PDGFRA: variants seen among roughly 807,000 people sequenced by gnomAD.
PDGFRA encodes the protein platelet derived growth factor receptor alpha.
In PDGFRA, 25 loss-of-function variants were observed where a neutral mutation model predicts 121.5. That is an observed-to-expected ratio of 0.21 (90% CI 0.15 to 0.29). The LOEUF is 0.29. Among genes scored for constraint, PDGFRA ranks in the 10% least tolerant of loss-of-function variants. PDGFRA has a pLI of 1.00. For missense variants in PDGFRA, 1,008 were observed against 1,345.1 expected (o/e 0.75, Z 3.92); for synonymous variants, 463 against 494.8 (o/e 0.94, Z 0.85).
intron 1 of PDGFRA, among the ~76,000 whole-genome samples, chr4:54,237,720 G>A (rs1435367658): frequency 1.3e-5 from 2 of 152,216 alleles, no homozygotes; most frequent in African/African-American, 4.8e-5. Flanking sequence ...AGCCAGCATT[G>A]TGTGAATTGC....
rs1723444614 is a variant in PDGFRA at position 54,272,308 on chromosome 4, G to A, written c.1238-86G>A. 14 of 1,436,746 alleles carry A rather than the reference G, an allele frequency of 9.7e-6. No individual in the cohort carries two copies. The Admixed American group carries it at 1.8e-4, about 19-fold the overall frequency. The allele number at this position is 1,436,746 out of a possible 1,614,324, so 89.0% of individuals were successfully genotyped here. ...GGAGTGTTTTGAATGCCATGTAGAT[G>A]AGTTGTGAACTCATATTCCACTTTG... On this transcript the variant is annotated intron_variant, in intron 8 of 22. Coordinates refer to ENST00000257290, the MANE Select transcript of PDGFRA (RefSeq NM_006206.6).
At position 54,273,664 on chromosome 4, in the gene PDGFRA, G is replaced by A. The variant is rs758137485; in HGVS notation, c.1492G>A (p.Ala498Thr). ...VTFAKVEETI[A>T]VRCLAKNLLG... ...TTTCGCCAAAGTGGAGGAGACCATCGCCGTGCGATGCCTGGCTAAGAATCT... is the reference window on the plus strand; with the variant it reads ...TTTCGCCAAAGTGGAGGAGACCATCACCGTGCGATGCCTGGCTAAGAATCT... Residue 498 changes from alanine (A) to threonine (T), a missense_variant, in exon 10 of 23, where the codon GCC becomes ACC. Coordinates refer to ENST00000257290, the MANE Select transcript of PDGFRA (RefSeq NM_006206.6). 9.3e-6 allele frequency: 15 copies of A among 1,613,922 alleles called. No homozygotes were observed. Among genetic ancestry groups the A allele is most frequent in the African/African-American group, 5.3e-5 (4 of 74,906 alleles).
rs200113704 is a variant in PDGFRA at position 54,270,644 on chromosome 4, A to T, written c.1133A>T (p.Lys378Ile). 18 of 1,604,142 alleles carry T rather than the reference A, an allele frequency of 1.1e-5. No homozygotes were observed. The highest frequency in any genetic ancestry group is 6.7e-5 in the Admixed American group (4 of 60,018). ...CCTTTTTTTAAAAGGTATCGAAGCAAATTAAAGCTGATCCGTGCTAAGGAA... is the reference window on the plus strand; with the variant it reads ...CCTTTTTTTAAAAGGTATCGAAGCATATTAAAGCTGATCCGTGCTAAGGAA... ...EKIQEIRYRS[K>I]LKLIRAKEED... Residue 378 changes from lysine to isoleucine, a missense_variant, in exon 8 of 23, where the codon AAA becomes ATA. Lys to Ile is a moderately radical substitution (Grantham distance 102). Around this residue, in one of 5 missense-constraint regions of PDGFRA, gnomAD observed 575 missense variants for 701.8 expected, o/e 0.82. Transcript: ENST00000257290.
chr4:54,253,508 G>A (rs1016627224), intron 1 of PDGFRA, among the ~76,000 whole-genome samples: 1 of 152,136 alleles, frequency 6.6e-6, no homozygotes, highest in African/African-American at 2.4e-5. Context: ...AACAGAGCAG[G>A]GGTCTCTTTC....
At chr4:54,288,611 C>T (rs1724469914) in intron 19 of PDGFRA, among the ~76,000 whole-genome samples, 188 bp from the exon 20 acceptor site, 1 of 152,004 alleles carries the variant, frequency 6.6e-6, no homozygotes, top group Admixed American at 6.6e-5. Flanking sequence ...ACCTGGAGTC[C>T]TAATTAAACT....
At chr4:54,282,628 C>T (rs1724134004) in intron 16 of PDGFRA, among the ~76,000 whole-genome samples, 1 of 152,134 alleles carries the variant, frequency 6.6e-6, no homozygotes, top group Non-Finnish European at 1.5e-5. Context: ...ATCATACTGA[C>T]CCTGGACCCT....
At chr4:54,287,235 GTATT>G (rs1724405562) in intron 18 of PDGFRA, among the ~76,000 whole-genome samples, 191 bp from the exon 19 acceptor site, 1 of 152,176 alleles carries the variant, frequency 6.6e-6, no homozygotes, top group Non-Finnish European at 1.5e-5. Flanking sequence ...CATTCATCTA[GTATT>G]TATTGAGCAC....
chr4:54,288,915 T>C lies in PDGFRA; in HGVS notation c.2774+17T>C, dbSNP rs372407259. The C allele has an allele frequency of 1.9e-6, 3 of 1,567,400 alleles. No homozygotes were observed. Among genetic ancestry groups the C allele is most frequent in the Non-Finnish European group, 2.6e-6 (3 of 1,137,360 alleles). On this transcript the variant is annotated intron_variant, in intron 20 of 22. Coordinates refer to ENST00000257290, the MANE Select transcript of PDGFRA (RefSeq NM_006206.6). ...CAGTGAAGTGTGAGCTCCTTCCCCA[T>C]CCCGGGGGCCTGTGTTCACAGTCTG...
chr4:54,243,765 T>C, intron 1 of PDGFRA: 1 of 152,690 alleles, frequency 6.5e-6, no homozygotes, highest in Non-Finnish European at 1.5e-5. Context: ...GGCAAGCCAT[T>C]GCCTCACTCG....
In PDGFRA at chr4:54,254,684, G is replaced by A. The variant is rs190698097; in HGVS notation, c.-12-4073G>A. 6.0e-3 allele frequency among the ~76,000 whole-genome samples: 913 copies of A among 152,334 alleles called. 10 individuals are homozygous for A. Among genetic ancestry groups the A allele is most frequent in the Admixed American group, 9.2e-3 (141 of 15,302 alleles). Reference sequence around the variant, plus strand: ...GGTCTCCTTTGAAGTTTGCTGAGTGGATTGTCAGTGGGAGGCTGATATTTA... The same window carrying A: ...GGTCTCCTTTGAAGTTTGCTGAGTGAATTGTCAGTGGGAGGCTGATATTTA... On this transcript the variant is annotated intron_variant, in intron 1 of 22. Transcript: ENST00000257290.
intron 15 of PDGFRA, chr4:54,278,760 A>G: frequency 1.6e-6 from 1 of 641,574 alleles, no homozygotes; most frequent in East Asian, 3.1e-5. Context: ...GTGAGTTAGA[A>G]TGACTCTGGG....
At position 54,261,166 on chromosome 4, in the gene PDGFRA, C is replaced by A; in HGVS notation, c.121C>A (p.Leu41Met). Residue 41 changes from leucine (L) to methionine (M), a missense_variant, in exon 3 of 23, where the codon CTG becomes ATG. By Grantham distance (15) the Leu-to-Met change is conservative. Coordinates refer to ENST00000257290, the MANE Select transcript of PDGFRA (RefSeq NM_006206.6). ...LPNENEKVVQ[L>M]NSSFSLRCFG... The stretch of plus-strand genomic sequence containing the variant: ...AAATGAAAATGAAAAGGTTGTGCAG[C>A]TGAATTCATCCTTTTCTCTGAGATG... The A allele has an allele frequency of 6.2e-7, 1 of 1,614,138 alleles. No individual in the cohort carries two copies.
chr4:54,246,585 A>G lies in PDGFRA; in HGVS notation c.-12-12172A>G, dbSNP rs1332883379. ...CAAAGCAGTGTGTAGAGGGAAATTTATAGCACTAAATGCCCACAAGAGAAA... is the reference window on the plus strand; with the variant it reads ...CAAAGCAGTGTGTAGAGGGAAATTTGTAGCACTAAATGCCCACAAGAGAAA... On this transcript the variant is annotated intron_variant, in intron 1 of 22. Coordinates refer to ENST00000257290, the MANE Select transcript of PDGFRA (RefSeq NM_006206.6). Among the ~76,000 whole-genome samples the G allele has an allele frequency of 2.0e-5, 3 of 152,332 alleles. No individual in the cohort carries two copies. In the South Asian group the frequency reaches 6.2e-4, roughly 32 times the overall value.
At chr4:54,278,165 A>T in intron 14 of PDGFRA, 159 bp downstream of exon 14, 1 of 706,184 alleles carries the variant, frequency 1.4e-6, no homozygotes, top group Non-Finnish European at 2.5e-6. Context: ...ATGGAAGCTC[A>T]TTGGTTTTTG....
chr4:54,283,441 G>A (rs1724170527), intron 16 of PDGFRA, among the ~76,000 whole-genome samples: 1 of 152,230 alleles, frequency 6.6e-6, no homozygotes, highest in African/African-American at 2.4e-5. Flanking sequence ...AGCCACAGCT[G>A]GAGCTGGAGT....
chr4:54,289,882 T>C (rs183949888), intron 21 of PDGFRA, among the ~76,000 whole-genome samples: 2 of 152,278 alleles, frequency 1.3e-5, no homozygotes, highest in Admixed American at 6.5e-5. Context: ...TGGGAAGAGA[T>C]TGAAGTTATT....
chr4:54,247,834 G>A (rs538584158), intron 1 of PDGFRA, among the ~76,000 whole-genome samples: 1 of 152,256 alleles, frequency 6.6e-6, no homozygotes, highest in African/African-American at 2.4e-5. Context: ...CATTGTCTCA[G>A]CCCAAAATCT....
rs1553904168 is a variant in PDGFRA, at chr4:54,273,552, T to C, written c.1380T>C (p.Thr460=). The change falls in exon 10 of 23, where the codon ACT becomes ACC. Residue 460 remains threonine (T), a synonymous_variant. Coordinates refer to ENST00000257290, the MANE Select transcript of PDGFRA (RefSeq NM_006206.6). ...CKDIKKCNNE[T]SWTILANNVS... is the part of the protein sequence containing the mutation. Reference sequence around the variant, plus strand: ...TTCTCTCTAGATGTAATAATGAAACTTCCTGGACTATTTTGGCCAACAATG... The same window carrying C: ...TTCTCTCTAGATGTAATAATGAAACCTCCTGGACTATTTTGGCCAACAATG... 1 of 1,614,074 alleles carries C rather than the reference T, an allele frequency of 6.2e-7. No homozygotes were observed. Among genetic ancestry groups the C allele is most frequent in the Non-Finnish European group, 8.5e-7 (1 of 1,179,942 alleles).
chr4:54,247,043 C>G (rs1333316511), intron 1 of PDGFRA, among the ~76,000 whole-genome samples: 1 of 152,120 alleles, frequency 6.6e-6, no homozygotes, highest in African/African-American at 2.4e-5. Flanking sequence ...TCTGAATAGA[C>G]CAATAACAGG....
Sources: allele counts gnomAD v4.1 joint callset (sites outside exome capture counted in the v4.1 genomes callset), GRCh38; gene constraint gnomAD v4.1.1; regional missense constraint gnomAD v4.1.1; transcripts MANE v1.5; gene names NCBI Gene and HGNC (gene_info 2026-07-23, HGNC 2026-07-21).